Variants in RALGPS1 observed in about 807,000 individuals in gnomAD.
RALGPS1 encodes Ral GEF with PH domain and SH3 binding motif 1, also known as ras-specific guanine nucleotide-releasing factor RalGPS1.
Under a neutral mutation model 78.8 loss-of-function variants are expected in RALGPS1, and 19 were observed. That is an observed-to-expected ratio of 0.24 (90% CI 0.17 to 0.35). RALGPS1 has a LOEUF of 0.35. Among genes scored for constraint, RALGPS1 ranks in the 10% least tolerant of loss-of-function variants. The probability of loss-of-function intolerance (pLI) is 1.00; values close to 1 mark genes in which losing one functional copy is unlikely to be tolerated. For missense variants in RALGPS1, 454 were observed against 688.3 expected (o/e 0.66, Z 3.81); for synonymous variants, 228 against 256.3 (o/e 0.89, Z 1.06).
chr9:126,927,417 C>T (rs552162823), intron 1 of RALGPS1, among the ~76,000 whole-genome samples: 1 of 151,846 alleles, frequency 6.6e-6, no homozygotes, highest in East Asian at 1.9e-4. Context: ...GGGGCACCAA[C>T]CTCCACTTCT....
intron 1 of RALGPS1, among the ~76,000 whole-genome samples, chr9:126,961,756 A>G (rs966189088): frequency 2.0e-5 from 3 of 152,222 alleles, no homozygotes; most frequent in Non-Finnish European, 2.9e-5. Flanking sequence ...TGATTGAGCC[A>G]CTGCACTCCA....
intron 8 of RALGPS1, among the ~76,000 whole-genome samples, chr9:127,105,132 G>A (rs764369256): frequency 4.6e-5 from 7 of 152,162 alleles, no homozygotes; most frequent in Non-Finnish European, 7.3e-5. Context: ...AGCTGGCAGC[G>A]CCTTGTGTGG....
In RALGPS1 at chr9:127,069,096, C is replaced by A; in HGVS notation, c.484-134C>A. ...TATGCACGAAACAGCCTTTTAAAAT[C>A]CTTAGTTCTGTCCAGGATTCGGCAC... On this transcript the variant is annotated intron_variant, in intron 7 of 18. Transcript: ENST00000259351. 5 of 882,368 alleles carry A rather than the reference C, an allele frequency of 5.7e-6. No homozygotes were observed. The South Asian group carries it at 9.1e-5, about 16-fold the overall frequency. 54.7% of individuals were successfully genotyped at this position (882,368 alleles called of 1,614,324 possible).
At chr9:127,175,360 T>TA (rs2059801380) in intron 11 of RALGPS1, among the ~76,000 whole-genome samples, 1 of 152,234 alleles carries the variant, frequency 6.6e-6, no homozygotes, top group African/African-American at 2.4e-5. Context: ...TATGACGACT[T>TA]ACCTTCTCGG....
intron 10 of RALGPS1, among the ~76,000 whole-genome samples, chr9:127,169,234 G>A (rs2059443589): frequency 6.6e-6 from 1 of 152,190 alleles, no homozygotes; most frequent in Admixed American, 6.5e-5. Context: ...CCAAGAGCCT[G>A]TTTCATGGAT....
intron 3 of RALGPS1, among the ~76,000 whole-genome samples, chr9:126,975,932 C>G (rs1384837567): frequency 1.3e-5 from 2 of 152,186 alleles, no homozygotes; most frequent in East Asian, 3.9e-4. Flanking sequence ...CCATGAAGAA[C>G]ACTAGCTCCG....
intron 8 of RALGPS1, among the ~76,000 whole-genome samples, chr9:127,154,221 G>A (rs2058588623): frequency 6.6e-6 from 1 of 151,440 alleles, no homozygotes. Flanking sequence ...TGACCAGGGC[G>A]TTAGGGCTGC....
intron 4 of RALGPS1, among the ~76,000 whole-genome samples, chr9:127,030,968 A>G (rs954506584): frequency 1.9e-4 from 29 of 152,328 alleles, no homozygotes; most frequent in African/African-American, 5.1e-4. Context: ...AAAGGACTGC[A>G]CAGGCTCTTA....
intron 4 of RALGPS1, among the ~76,000 whole-genome samples, chr9:126,984,949 AT>A (rs2041657017): frequency 6.6e-6 from 1 of 152,198 alleles, no homozygotes; most frequent in Admixed American, 6.5e-5. Flanking sequence ...GTAAACAGTT[AT>A]TTTTTAAAAG....
intron 3 of RALGPS1, among the ~76,000 whole-genome samples, chr9:126,967,209 A>T (rs1428680655): frequency 6.6e-6 from 1 of 151,904 alleles, no homozygotes; most frequent in African/African-American, 2.4e-5. Flanking sequence ...AAAACCTTCA[A>T]ACTCTCTAGT....
chr9:126,977,617 A>G (rs1410269779), intron 3 of RALGPS1, 78 bp from the exon 4 acceptor site: 3 of 1,021,492 alleles, frequency 2.9e-6, no homozygotes, highest in African/African-American at 1.6e-5. Context: ...TTATGAGTGT[A>G]TATGACTCTG....
At chr9:127,097,224 T>A (rs1158067383) in intron 8 of RALGPS1, among the ~76,000 whole-genome samples, 1 of 152,286 alleles carries the variant, frequency 6.6e-6, no homozygotes, top group African/African-American at 2.4e-5. Flanking sequence ...TTTGCCCATT[T>A]TTCAACGATT....
chr9:127,050,179 A>C, intron 6 of RALGPS1, 47 bp downstream of exon 6: 1 of 1,411,672 alleles, frequency 7.1e-7, no homozygotes, highest in Non-Finnish European at 1.0e-6. Flanking sequence ...CTTCTCTCCC[A>C]CACCTCCTCC....
At chr9:127,115,748 G>A (rs1008920783) in intron 8 of RALGPS1, among the ~76,000 whole-genome samples, 1 of 152,246 alleles carries the variant, frequency 6.6e-6, no homozygotes, top group African/African-American at 2.4e-5. Flanking sequence ...GTCAGCACAA[G>A]GGTGTGTTTT....
At position 127,183,851 on chromosome 9, in the gene RALGPS1, C is replaced by T. The variant is rs1277490553; in HGVS notation, c.910+9069C>T. 1.3e-6 allele frequency: 2 copies of T among 1,540,258 alleles called. No individual in the cohort carries two copies. The highest frequency in any genetic ancestry group is 1.8e-6 in the Non-Finnish European group (2 of 1,141,610). On this transcript the variant is annotated intron_variant, in intron 11 of 18. Transcript: ENST00000259351. This position sits in a 1 kb window ranked among gnomAD's most constrained non-coding sequence, Gnocchi z 4.0. ...GGCCCATTACTCTGGGATTTCACATCTCCTTTGTTCTTGAGTCTCCCATCT... is the reference window on the plus strand; with the variant it reads ...GGCCCATTACTCTGGGATTTCACATTTCCTTTGTTCTTGAGTCTCCCATCT...
At chr9:127,096,065 C>T (rs771170085) in intron 8 of RALGPS1, among the ~76,000 whole-genome samples, 27 of 152,308 alleles carry the variant, frequency 1.8e-4, no homozygotes, top group Non-Finnish European at 3.2e-4. Flanking sequence ...AGGGATGGGG[C>T]AGGACCCAAT....
chr9:127,217,983 A>G (rs2062665611), intron 18 of RALGPS1, among the ~76,000 whole-genome samples: 1 of 152,128 alleles, frequency 6.6e-6, no homozygotes, highest in Middle Eastern at 3.2e-3. Flanking sequence ...ACTGCTAATG[A>G]CCATTCTTAT....
chr9:126,980,417 A>G (rs888996431), intron 4 of RALGPS1, among the ~76,000 whole-genome samples: 3 of 152,196 alleles, frequency 2.0e-5, no homozygotes, highest in Admixed American at 6.5e-5. Context: ...CTTTAAAAAA[A>G]TTACAAATGC....
At chr9:127,181,769 G>A (rs1396382609) in intron 11 of RALGPS1, among the ~76,000 whole-genome samples, 1 of 152,038 alleles carries the variant, frequency 6.6e-6, no homozygotes, top group East Asian at 1.9e-4. Flanking sequence ...TGTGGCAACT[G>A]GGGGAGAGGA....
Sources: allele counts gnomAD v4.1 joint callset (sites outside exome capture counted in the v4.1 genomes callset), GRCh38; gene constraint gnomAD v4.1.1; non-coding constraint Gnocchi (gnomAD v3.1); transcripts MANE v1.5; gene names NCBI Gene and HGNC (gene_info 2026-07-23, HGNC 2026-07-21).